Variants in ACTL6A observed in about 807,000 individuals in gnomAD.
ACTL6A encodes actin-like protein 6A.
Under a neutral mutation model 59.2 loss-of-function variants are expected in ACTL6A, and 5 were observed. The observed-to-expected ratio is 0.08, with a 90% CI of 0.04 to 0.18. The LOEUF (loss-of-function observed/expected upper bound fraction) is 0.18, where lower values mean the gene tolerates loss of function less well. Ranked by LOEUF, ACTL6A falls within the 10% of genes least tolerant of loss-of-function variation. The pLI is 1.00. For missense variants in ACTL6A, 285 were observed against 526.9 expected (o/e 0.54, Z 4.49); for synonymous variants, 154 against 171.8 (o/e 0.90, Z 0.81).
intron 6 of ACTL6A, 51 bp downstream of exon 6, chr3:179,576,362 A>G: frequency 7.5e-7 from 1 of 1,328,718 alleles, no homozygotes; most frequent in Non-Finnish European, 1.0e-6. Context: ...TGCCATGAGG[A>G]TGCACATAAT....
intron 8 of ACTL6A, among the ~76,000 whole-genome samples, chr3:179,579,489 C>CACACA (rs966245251): frequency 7.3e-5 from 11 of 151,400 alleles, no homozygotes; most frequent in African/African-American, 2.7e-4. Context: ...CACACACACA[C>CACACA]ATTTTAAAGA....
Position 179,576,432 on chromosome 3 carries a change from A to C in ACTL6A, c.571+121A>C, listed in dbSNP as rs576520887. 2,388 of 868,514 alleles carry C rather than the reference A, an allele frequency of 2.7e-3. 33 individuals are homozygous for C. Among genetic ancestry groups the C allele is most frequent in the South Asian group, 0.024 (1,273 of 52,798 alleles). 53.8% of individuals were successfully genotyped at this position (868,514 alleles called of 1,614,324 possible). A position where few individuals can be genotyped will look rare whatever the true frequency, so the allele number is the denominator to read the frequency against. ...TCAGTTTCTGAATAAGATTTTTTTT[A>C]AGTATGTTAAAAATCTTTAGTATAT... On this transcript the variant is annotated intron_variant, in intron 6 of 13. Coordinates refer to ENST00000429709, the MANE Select transcript of ACTL6A (RefSeq NM_004301.5).
chr3:179,586,139 A>G (rs922485956), intron 12 of ACTL6A, among the ~76,000 whole-genome samples: 1 of 152,222 alleles, frequency 6.6e-6, no homozygotes, highest in African/African-American at 2.4e-5. Flanking sequence ...TGTGAATGCT[A>G]TACTTCAGTA....
chr3:179,573,107 C>A, intron 3 of ACTL6A: 3 of 254,074 alleles, frequency 1.2e-5, no homozygotes, highest in Non-Finnish European at 1.5e-5. Flanking sequence ...AATTGAATAA[C>A]ATTTACTTCA....
At chr3:179,568,657 C>T (rs1328454927) in intron 1 of ACTL6A, among the ~76,000 whole-genome samples, 1 of 151,844 alleles carries the variant, frequency 6.6e-6, no homozygotes, top group Non-Finnish European at 1.5e-5. Flanking sequence ...ATATGTAGAT[C>T]TAAAGTGTTC....
chr3:179,578,183 A>G (rs1342068291), intron 8 of ACTL6A, among the ~76,000 whole-genome samples: 2 of 152,046 alleles, frequency 1.3e-5, no homozygotes, highest in Non-Finnish European at 1.5e-5. Flanking sequence ...GGCCGGGTGC[A>G]GTGGCTCACG....
At chr3:179,583,276 TG>T in intron 11 of ACTL6A, 76 bp from the exon 12 acceptor site, 1 of 1,120,914 alleles carries the variant, frequency 8.9e-7, no homozygotes, top group Non-Finnish European at 1.3e-6. Flanking sequence ...GTAGAGCACA[TG>T]GTTATATTTG....
At chr3:179,577,208 A>G (rs549919105) in intron 8 of ACTL6A, among the ~76,000 whole-genome samples, 246 of 152,286 alleles carry the variant, frequency 1.6e-3, no homozygotes, top group African/African-American at 5.7e-3. Flanking sequence ...TTGGATTACT[A>G]TGGTGAGACC....
intron 8 of ACTL6A, among the ~76,000 whole-genome samples, chr3:179,578,534 C>T (rs917462074): frequency 5.3e-5 from 8 of 152,208 alleles, no homozygotes; most frequent in African/African-American, 1.2e-4. Context: ...GGGAGAATCA[C>T]CTGAGCCCTG....
At position 179,581,130 on chromosome 3, in the gene ACTL6A, T is replaced by C. The variant is rs1457648174; in HGVS notation, c.946-10T>C. ...GCTTCCATGTGACTACTTGTTTTCT[T>C]TTGTTGTAGGGGTTATCAGGAAACA... On this transcript the variant is annotated splice_polypyrimidine_tract_variant and intron_variant, in intron 10 of 13. Transcript: ENST00000429709. 2.5e-6 allele frequency: 4 copies of C among 1,613,520 alleles called. No homozygotes were observed. The highest frequency in any genetic ancestry group is 3.4e-6 in the Non-Finnish European group (4 of 1,179,570).
intron 5 of ACTL6A, among the ~76,000 whole-genome samples, chr3:179,575,853 A>G (rs985154056): frequency 6.6e-6 from 1 of 152,180 alleles, no homozygotes; most frequent in Admixed American, 6.5e-5. Flanking sequence ...CACTGTTCTT[A>G]CCAAGTTTCT....
rs1459900743 is a variant in ACTL6A at position 179,577,011 on chromosome 3, G to A, written c.768+98G>A. 4 of 787,404 alleles carry A rather than the reference G, an allele frequency of 5.1e-6. No homozygotes were observed. The Admixed American group carries it at 9.3e-5, about 18-fold the overall frequency. The allele number at this position is 787,404 out of a possible 1,614,324, so 48.8% of individuals were successfully genotyped here. On this transcript the variant is annotated intron_variant, in intron 8 of 13. Coordinates refer to ENST00000429709, the MANE Select transcript of ACTL6A (RefSeq NM_004301.5). ...GGCTGTAAATCCTTGAGTAAAATAT[G>A]GGCACTTTATATTTTCAAGCTCTTT...
At chr3:179,581,303 A>ACAACCATTAGATCACTG in intron 11 of ACTL6A, 83 bp downstream of exon 11, 1 of 1,117,870 alleles carries the variant, frequency 8.9e-7, no homozygotes, top group Non-Finnish European at 1.4e-6. Flanking sequence ...GTTGACAGTG[A>ACAACCATTAGATCACTG]TCTAATGGTT....
chr3:179,576,404 A>C, intron 6 of ACTL6A, 93 bp downstream of exon 6: 1 of 1,025,920 alleles, frequency 9.7e-7, no homozygotes, highest in Non-Finnish European at 1.4e-6. Flanking sequence ...CTATTAAAGC[A>C]TATCAGTTTC....
At chr3:179,581,248 A>G (rs1235204264) in intron 11 of ACTL6A, 28 bp downstream of exon 11, 1 of 1,578,624 alleles carries the variant, frequency 6.3e-7, no homozygotes, top group Admixed American at 1.7e-5. Flanking sequence ...GTTACGGTTT[A>G]AAGGTATCTT....
At chr3:179,587,009 AG>A (rs1333988334) in intron 13 of ACTL6A, among the ~76,000 whole-genome samples, 1 of 152,192 alleles carries the variant, frequency 6.6e-6, no homozygotes, top group East Asian at 1.9e-4. Flanking sequence ...AGTGAGGTCT[AG>A]GAAGTCAGGA....
At position 179,569,821 on chromosome 3, in the gene ACTL6A, C is replaced by T. The variant is rs1300980490; in HGVS notation, c.26-3C>T. On this transcript the variant is annotated splice_region_variant and splice_polypyrimidine_tract_variant and intron_variant, in intron 1 of 13. Coordinates refer to ENST00000429709, the MANE Select transcript of ACTL6A (RefSeq NM_004301.5). ...TAATGCTAATTATCTTTAATCTTTT[C>T]AGATGAAGTTGGAGCCCTTGTTTTT... is the stretch of plus-strand genomic sequence containing the variant. The T allele has an allele frequency of 6.2e-7, 1 of 1,613,504 alleles. No homozygotes were observed. The highest frequency in any genetic ancestry group is 8.5e-7 in the Non-Finnish European group (1 of 1,179,462).
intron 1 of ACTL6A, among the ~76,000 whole-genome samples, chr3:179,564,630 A>T (rs1327334387): frequency 3.3e-5 from 5 of 152,212 alleles, no homozygotes; most frequent in Non-Finnish European, 7.3e-5. Flanking sequence ...AATTCTGAGA[A>T]TTTAGAGTCT....
intron 7 of ACTL6A, 42 bp from the exon 8 acceptor site, chr3:179,576,782 T>C: frequency 1.2e-6 from 2 of 1,609,812 alleles, no homozygotes; most frequent in Non-Finnish European, 1.7e-6. Flanking sequence ...CCCACCCCTA[T>C]GAAGTGAACT....
Sources: allele counts gnomAD v4.1 joint callset (sites outside exome capture counted in the v4.1 genomes callset), GRCh38; gene constraint gnomAD v4.1.1; transcripts MANE v1.5; gene names NCBI Gene and HGNC (gene_info 2026-07-23, HGNC 2026-07-21).